CCL17: variants seen among roughly 807,000 people sequenced by gnomAD.
The protein encoded by CCL17 is C-C motif chemokine ligand 17, also known as C-C motif chemokine 17.
Under a neutral mutation model 7.4 loss-of-function variants are expected in CCL17, and 8 were observed. The ratio of observed to expected loss-of-function variants is 1.09; its 90% CI spans 0.64 to 1.96. CCL17 has a LOEUF of 1.96. Among genes scored for constraint, CCL17 ranks in the 30% most tolerant of loss-of-function variants. The probability of loss-of-function intolerance (pLI) is 0.00; values close to 1 mark genes in which losing one functional copy is unlikely to be tolerated. For missense variants in CCL17, 102 were observed against 113.0 expected (o/e 0.90, Z 0.44); for synonymous variants, 40 against 46.1 (o/e 0.87, Z 0.54).
intron 1 of CCL17, among the ~76,000 whole-genome samples, chr16:57,410,784 G>A (rs1902771314): frequency 6.6e-6 from 1 of 152,180 alleles, no homozygotes; most frequent in Non-Finnish European, 1.5e-5. Context: ...AGAAGACTGA[G>A]GCACACTGGG....
chr16:57,409,718 G>A (rs767737501), intron 1 of CCL17, among the ~76,000 whole-genome samples: 2 of 152,152 alleles, frequency 1.3e-5, no homozygotes, highest in African/African-American at 2.4e-5. Context: ...ATGACCCTTG[G>A]GTTTCTGACC....
At chr16:57,405,877 CA>C (rs35155439) in intron 1 of CCL17, among the ~76,000 whole-genome samples, 2,623 of 140,272 alleles carry the variant, frequency 0.019, 37 homozygotes, top group Middle Eastern at 0.047. Context: ...ACTAAAAATA[CA>C]AAAAAAAAAA....
chr16:57,406,035 C>T (rs1216081538), intron 1 of CCL17, among the ~76,000 whole-genome samples: 12 of 109,212 alleles, frequency 1.1e-4, no homozygotes, highest in Admixed American at 9.5e-4. Flanking sequence ...GAGCAAGACT[C>T]CGTCTCAAAA....
chr16:57,414,797 C>T (rs1311010531), intron 2 of CCL17, among the ~76,000 whole-genome samples: 1 of 152,044 alleles, frequency 6.6e-6, no homozygotes, highest in Non-Finnish European at 1.5e-5. Flanking sequence ...GAGACACACA[C>T]GTAGGCACTC....
At chr16:57,411,693 G>C (rs1290777279) in intron 1 of CCL17, among the ~76,000 whole-genome samples, 2 of 152,236 alleles carry the variant, frequency 1.3e-5, no homozygotes, top group African/African-American at 4.8e-5. Context: ...AGCTAGGGAG[G>C]GAGGGGTGGT....
chr16:57,415,143 A>G lies in CCL17; in HGVS notation c.133A>G (p.Arg45Gly). The change falls in exon 3 of 4, where the codon AGA (arginine) becomes GGA (glycine). Residue 45 changes from arginine (R) to glycine (G), a missense_variant. Coordinates refer to ENST00000219244, the MANE Select transcript of CCL17 (RefSeq NM_002987.3). The surrounding 1 kb of genome is among the most constrained non-coding windows in gnomAD (Gnocchi z 4.5). Reference sequence around the variant, plus strand: ...GTACTTCAAGGGAGCCATTCCCCTTAGAAAGCTGAAGACGTGGTACCAGAC... The same window carrying G: ...GTACTTCAAGGGAGCCATTCCCCTTGGAAAGCTGAAGACGTGGTACCAGAC... ...LEYFKGAIPL[R>G]KLKTWYQTSE... The G allele has an allele frequency of 6.2e-7, 1 of 1,614,066 alleles. No individual in the cohort carries two copies. The highest frequency in any genetic ancestry group is 8.5e-7 in the Non-Finnish European group (1 of 1,179,924).
At chr16:57,407,824 CCATT>C (rs1184540681) in intron 1 of CCL17, among the ~76,000 whole-genome samples, 1 of 151,950 alleles carries the variant, frequency 6.6e-6, no homozygotes, top group African/African-American at 2.4e-5. Context: ...GTCTGTCCAT[CCATT>C]CATTCATTCA....
rs573250086 is a variant in CCL17, at chr16:57,408,732, C to A, written c.-60+3896C>A. Among the ~76,000 whole-genome samples the A allele has an allele frequency of 6.7e-5, 7 of 104,016 alleles. No individual in the cohort carries two copies. The East Asian group carries it at 1.8e-3, about 27-fold the overall frequency. 68.2% of individuals were successfully genotyped at this position (104,016 alleles called of 152,430 possible). A position where few individuals can be genotyped will look rare whatever the true frequency, so the allele number is the denominator to read the frequency against. ...TACAGGCACACGCCACCACACCCAG[C>A]TAATTTTTTTTTTTTGTATTTTTAG... is the stretch of plus-strand genomic sequence containing the variant. On this transcript the variant is annotated intron_variant, in intron 1 of 3. Transcript: ENST00000219244.
At chr16:57,404,153 G>A (rs1902661317), upstream of CCL17, among the ~76,000 whole-genome samples, 2 of 152,138 alleles carry the variant, frequency 1.3e-5, no homozygotes, top group Non-Finnish European at 1.5e-5. Flanking sequence ...GCAGAGAGCA[G>A]GGCACAGAAC....
Position 57,416,059 on chromosome 16 carries a change from C to T in CCL17, c.*198C>T, listed in dbSNP as rs1429977605. ...AAAGGGCCCAGATTAAAGTCTTTAT[C>T]CTCAGTCTGTGTCAGCGTGTCTGTC... On this transcript the variant is annotated 3_prime_UTR_variant, in exon 4 of 4. Coordinates refer to ENST00000219244, the MANE Select transcript of CCL17 (RefSeq NM_002987.3). 2 of 559,268 alleles carry T rather than the reference C, an allele frequency of 3.6e-6. No homozygotes were observed. Among genetic ancestry groups the T allele is most frequent in the Non-Finnish European group, 6.4e-6 (2 of 310,426 alleles). The allele number at this position is 559,268 out of a possible 1,614,324, so 34.6% of individuals were successfully genotyped here. A position where few individuals can be genotyped will look rare whatever the true frequency, so the allele number is the denominator to read the frequency against.
the CCL17 span, among the ~76,000 whole-genome samples, chr16:57,398,246 G>A: frequency 6.6e-6 from 1 of 152,082 alleles, no homozygotes; most frequent in Non-Finnish European, 1.5e-5. Flanking sequence ...GGCCACCACC[G>A]CAACTACCCA....
At chr16:57,412,278 G>A (rs1401664238) in intron 1 of CCL17, among the ~76,000 whole-genome samples, 2 of 152,168 alleles carry the variant, frequency 1.3e-5, no homozygotes, top group Non-Finnish European at 2.9e-5. Flanking sequence ...CCACTCCCAG[G>A]TGCGGAAGCA....
chr16:57,416,011 G>A lies in CCL17; in HGVS notation c.*150G>A. The stretch of plus-strand genomic sequence containing the variant: ...ACAGTGAGGGAGATCCCATCCCCTT[G>A]TCTGAACTGGAGCCATGGGCACAAA... On this transcript the variant is annotated 3_prime_UTR_variant, in exon 4 of 4. Coordinates refer to ENST00000219244, the MANE Select transcript of CCL17 (RefSeq NM_002987.3). 1 of 608,620 alleles carries A rather than the reference G, an allele frequency of 1.6e-6. No individual in the cohort carries two copies. Among genetic ancestry groups the A allele is most frequent in the Admixed American group, 2.8e-5 (1 of 35,812 alleles). 37.7% of individuals were successfully genotyped at this position (608,620 alleles called of 1,614,324 possible).
Position 57,415,348 on chromosome 16 carries a change from A to C in CCL17, c.188+150A>C. ...GCAGGCTCCCCACACTGTGGGACCC[A>C]AAAGGGCCGCAGGCCATGAGGTCCA... On this transcript the variant is annotated intron_variant, in intron 3 of 3. Transcript: ENST00000219244. The surrounding 1 kb of genome is among the most constrained non-coding windows in gnomAD (Gnocchi z 4.5). The C allele has an allele frequency of 1.6e-6, 1 of 635,900 alleles. No individual in the cohort carries two copies. Among genetic ancestry groups the C allele is most frequent in the Non-Finnish European group, 2.8e-6 (1 of 356,702 alleles). 39.4% of individuals were successfully genotyped at this position (635,900 alleles called of 1,614,324 possible).
At chr16:57,405,876 A>AC (rs1441981275) in intron 1 of CCL17, among the ~76,000 whole-genome samples, 12 of 72,178 alleles carry the variant, frequency 1.7e-4, no homozygotes, top group Admixed American at 1.1e-3. Context: ...TACTAAAAAT[A>AC]CAAAAAAAAA....
At chr16:57,414,126 C>T (rs1465972589) in intron 2 of CCL17, 124 bp downstream of exon 2, 10 of 632,842 alleles carry the variant, frequency 1.6e-5, no homozygotes, top group South Asian at 1.4e-4. Flanking sequence ...CCACAAAAGA[C>T]GTGAGAAGCC....
Position 57,415,199 on chromosome 16 carries a change from G to GT in CCL17, c.188+2dup. 6.3e-7 allele frequency: 1 copy of GT among 1,587,670 alleles called. No individual in the cohort carries two copies. The highest frequency in any genetic ancestry group is 8.7e-7 in the Non-Finnish European group (1 of 1,155,970). On this transcript the variant is annotated splice_donor_variant, in intron 3 of 3. Transcript: ENST00000219244. LOFTEE classifies it high-confidence loss of function. The surrounding 1 kb of genome is among the most constrained non-coding windows in gnomAD (Gnocchi z 4.5). ...AGGACTGCTCCAGGGATGCCATCGT[G>GT]TAAGTCCCCCTGGCTCCACCCCTGC...
chr16:57,403,162 ATAT>A (rs1179732309), upstream of CCL17, among the ~76,000 whole-genome samples: 5 of 82,862 alleles, frequency 6.0e-5, no homozygotes, highest in Admixed American at 2.1e-4. Flanking sequence ...TATATAATAT[ATAT>A]TATTATCTAT....
intron 1 of CCL17, among the ~76,000 whole-genome samples, chr16:57,413,580 C>A (rs1036136826): frequency 2.6e-5 from 4 of 152,214 alleles, no homozygotes; most frequent in Non-Finnish European, 5.9e-5. Flanking sequence ...GAGAGATGAA[C>A]CCAGCTGTGC....
Sources: allele counts gnomAD v4.1 joint callset (sites outside exome capture counted in the v4.1 genomes callset), GRCh38; gene constraint gnomAD v4.1.1; non-coding constraint Gnocchi (gnomAD v3.1); transcripts MANE v1.5; gene names NCBI Gene and HGNC (gene_info 2026-07-23, HGNC 2026-07-21).